The following NRXN3 variants were observed in gnomAD, a reference collection of about 807,000 sequenced individuals.
The protein encoded by NRXN3 is neurexin 3.
Under a neutral mutation model 137.6 loss-of-function variants are expected in NRXN3, and 32 were observed. The observed-to-expected ratio is 0.23, with a 90% CI of 0.18 to 0.31. NRXN3 has a LOEUF of 0.31. Ranked by LOEUF, NRXN3 falls within the 10% of genes least tolerant of loss-of-function variation. The probability of loss-of-function intolerance (pLI) is 1.00; values close to 1 mark genes in which losing one functional copy is unlikely to be tolerated. For missense variants in NRXN3, 1,574 were observed against 2,062.5 expected (o/e 0.76, Z 4.59); for synonymous variants, 798 against 784.5 (o/e 1.02, Z -0.29).
chr14:79,215,071 C>T (rs1427028565), intron 15 of NRXN3, among the ~76,000 whole-genome samples: 1 of 152,180 alleles, frequency 6.6e-6, no homozygotes, highest in East Asian at 1.9e-4. Flanking sequence ...GAGACTAGCA[C>T]TCCTCAGGGA....
intron 15 of NRXN3, among the ~76,000 whole-genome samples, chr14:79,328,890 G>A (rs1405796707): frequency 2.0e-5 from 3 of 151,988 alleles, no homozygotes; most frequent in East Asian, 1.9e-4. Context: ...CTCTTCCTTT[G>A]GCTTCCTAAT....
chr14:79,397,335 T>C (rs1309548461), intron 15 of NRXN3, among the ~76,000 whole-genome samples: 1 of 152,210 alleles, frequency 6.6e-6, no homozygotes, highest in Non-Finnish European at 1.5e-5. Context: ...TGATGTTAAA[T>C]TGCAAGATAA....
chr14:79,229,136 C>G (rs1189578111), intron 15 of NRXN3, among the ~76,000 whole-genome samples: 1 of 152,112 alleles, frequency 6.6e-6, no homozygotes, highest in Non-Finnish European at 1.5e-5. Context: ...CCTTCATCAG[C>G]ATTATACTTG....
intron 15 of NRXN3, among the ~76,000 whole-genome samples, chr14:79,224,915 C>T (rs984411895): frequency 1.3e-5 from 2 of 152,114 alleles, no homozygotes; most frequent in Non-Finnish European, 2.9e-5. Flanking sequence ...GACTGTGACC[C>T]CCAAAACAGA....
At chr14:78,810,204 C>T (rs2098903102) in intron 9 of NRXN3, 114 bp from the exon 10 acceptor site, 2 of 652,510 alleles carry the variant, frequency 3.1e-6, no homozygotes, top group Non-Finnish European at 5.5e-6. Context: ...TATAAAATGG[C>T]CACATTTCTT....
chr14:79,447,536 C>A (rs900803397), intron 15 of NRXN3, among the ~76,000 whole-genome samples: 1 of 152,182 alleles, frequency 6.6e-6, no homozygotes, highest in Non-Finnish European at 1.5e-5. Flanking sequence ...TTTCTATTTT[C>A]ATGTATTCTC....
chr14:79,396,892 T>C (rs1219644735), intron 15 of NRXN3, among the ~76,000 whole-genome samples: 1 of 152,138 alleles, frequency 6.6e-6, no homozygotes, highest in Non-Finnish European at 1.5e-5. Context: ...CCTTGGTCAA[T>C]GCGCTACTTA....
chr14:79,434,806 C>A (rs947587607), intron 15 of NRXN3, among the ~76,000 whole-genome samples: 1 of 152,146 alleles, frequency 6.6e-6, no homozygotes, highest in Non-Finnish European at 1.5e-5. Context: ...CTCAGCCAGT[C>A]CCACGGTGAG....
chr14:78,909,867 T>C (rs2099231649), intron 10 of NRXN3, among the ~76,000 whole-genome samples: 1 of 151,948 alleles, frequency 6.6e-6, no homozygotes, highest in Non-Finnish European at 1.5e-5. Flanking sequence ...TCTCTGTCTG[T>C]TTATCTATCT....
chr14:79,159,305 A>G (rs912182418), intron 15 of NRXN3, among the ~76,000 whole-genome samples: 2 of 151,828 alleles, frequency 1.3e-5, no homozygotes, highest in African/African-American at 4.8e-5. Flanking sequence ...TTTTTCAAAG[A>G]CATGCTTCAG....
intron 19 of NRXN3, among the ~76,000 whole-genome samples, chr14:79,717,937 T>G (rs1037531945): frequency 2.6e-5 from 4 of 152,188 alleles, no homozygotes; most frequent in African/African-American, 9.7e-5. Context: ...ATTCCTGCTA[T>G]GGACCCATCA....
intron 19 of NRXN3, among the ~76,000 whole-genome samples, chr14:79,793,532 A>G (rs2099151926): frequency 1.3e-5 from 2 of 152,254 alleles, no homozygotes; most frequent in African/African-American, 4.8e-5. Context: ...TTCTGAAACC[A>G]TGTCACACTC....
At chr14:79,380,990 C>T (rs999901015) in intron 15 of NRXN3, among the ~76,000 whole-genome samples, 1 of 152,024 alleles carries the variant, frequency 6.6e-6, no homozygotes, top group Non-Finnish European at 1.5e-5. Context: ...CCATTACTGG[C>T]CCCACCTTGG....
At position 79,716,305 on chromosome 14, in the gene NRXN3, C is replaced by T. The variant is rs56926088; in HGVS notation, c.4014+18368C>T. 3.2e-3 allele frequency among the ~76,000 whole-genome samples: 488 copies of T among 152,252 alleles called. 2 individuals are homozygous for T. Among genetic ancestry groups the T allele is most frequent in the African/African-American group, 0.011 (467 of 41,530 alleles). ...ATATCACACTCATCTCAATTTTGCA[C>T]GGTACATGAAACTATGCTTGCTGAT... On this transcript the variant is annotated intron_variant, in intron 19 of 20. Transcript: ENST00000335750.
chr14:78,295,698 G>C (rs1217544325), intron 3 of NRXN3, among the ~76,000 whole-genome samples: 1 of 152,120 alleles, frequency 6.6e-6, no homozygotes, highest in East Asian at 1.9e-4. Flanking sequence ...ATTAGGTCTT[G>C]GTTCGTGAAG....
intron 15 of NRXN3, among the ~76,000 whole-genome samples, chr14:79,237,372 G>T (rs919757692): frequency 2.6e-5 from 4 of 152,234 alleles, no homozygotes; most frequent in African/African-American, 9.6e-5. Context: ...GCTAGCTGGG[G>T]ATATTAGAAA....
At chr14:78,322,084 C>CA (rs1432676871) in intron 4 of NRXN3, among the ~76,000 whole-genome samples, 1 of 151,080 alleles carries the variant, frequency 6.6e-6, no homozygotes, top group African/African-American at 2.4e-5. Context: ...CATACCAGCC[C>CA]TTTTTTTTTA....
chr14:78,977,065 C>G (rs10145952), intron 14 of NRXN3, among the ~76,000 whole-genome samples: 10,080 of 152,200 alleles, frequency 0.066, 1,138 homozygotes, highest in African/African-American at 0.23. Context: ...AAATACATAT[C>G]TCCCTTATAC....
chr14:78,848,696 T>G (rs749780984), intron 10 of NRXN3, among the ~76,000 whole-genome samples: 16 of 152,164 alleles, frequency 1.1e-4, no homozygotes, highest in Non-Finnish European at 2.2e-4. Flanking sequence ...TGGGCACTGA[T>G]AGCAACTTAA....
Sources: gnomAD v4.1 joint callset for allele counts (sites outside exome capture counted in the v4.1 genomes callset) on GRCh38, gnomAD v4.1.1 for gene constraint, MANE v1.5 for transcripts, NCBI Gene and HGNC (gene_info 2026-07-23, HGNC 2026-07-21) for gene names.